Variants in AGBL4 observed in about 807,000 individuals in gnomAD.
The protein encoded by AGBL4 is AGBL carboxypeptidase 4.
AGBL4 carries 58 observed loss-of-function variants against 66.4 expected under a neutral mutation model. That is an observed-to-expected ratio of 0.87 (90% CI 0.71 to 1.09). The LOEUF (loss-of-function observed/expected upper bound fraction) is 1.09. Ranked by LOEUF, AGBL4 falls within the 50% of genes least tolerant of loss-of-function variation. The probability of loss-of-function intolerance (pLI) is 0.00; values close to 1 mark genes in which losing one functional copy is unlikely to be tolerated. For missense variants in AGBL4, 579 were observed against 631.0 expected, an observed-to-expected ratio of 0.92 and a Z score of 0.88; for synonymous variants, 234 against 222.9, an observed-to-expected ratio of 1.05 and a Z score of -0.44.
chr1:49,767,930 T>C (rs1017774618), intron 2 of AGBL4, among the ~76,000 whole-genome samples: 3 of 149,992 alleles, frequency 2.0e-5, no homozygotes, highest in African/African-American at 7.4e-5. Flanking sequence ...AAGACAAATA[T>C]CAAGTTCGAA....
chr1:49,950,316 T>C (rs949074940), intron 1 of AGBL4, among the ~76,000 whole-genome samples: 3 of 150,782 alleles, frequency 2.0e-5, no homozygotes, highest in Admixed American at 1.3e-4. Flanking sequence ...AAACCAAACA[T>C]CACATGATCT....
chr1:49,580,314 C>A (rs1055479787), intron 3 of AGBL4, among the ~76,000 whole-genome samples: 1 of 151,994 alleles, frequency 6.6e-6, no homozygotes, highest in Non-Finnish European at 1.5e-5. Flanking sequence ...TATTTATGTT[C>A]AAGGTTATTA....
chr1:49,854,559 T>C (rs1431503263), intron 1 of AGBL4, among the ~76,000 whole-genome samples: 2 of 152,060 alleles, frequency 1.3e-5, no homozygotes, highest in Admixed American at 6.5e-5. Context: ...AGGTGCAACA[T>C]GGCACCATTT....
At chr1:49,626,940 C>G (rs1645475730) in intron 3 of AGBL4, among the ~76,000 whole-genome samples, 7 of 152,092 alleles carry the variant, frequency 4.6e-5, no homozygotes, top group Admixed American at 4.6e-4. Flanking sequence ...AAATCTTTTT[C>G]TAAGATAGAT....
At chr1:49,883,852 A>C (rs2148150007) in intron 1 of AGBL4, among the ~76,000 whole-genome samples, 1 of 152,144 alleles carries the variant, frequency 6.6e-6, no homozygotes, top group African/African-American at 2.4e-5. Flanking sequence ...AAAAAAACTA[A>C]GCCTGCAGTG....
At chr1:49,463,577 T>A in intron 3 of AGBL4, among the ~76,000 whole-genome samples, 1 of 151,776 alleles carries the variant, frequency 6.6e-6, no homozygotes, top group East Asian at 1.9e-4. Flanking sequence ...TGCTACTTTC[T>A]GAGGCTTTCT....
chr1:49,757,127 T>C (rs1010334486), intron 2 of AGBL4, among the ~76,000 whole-genome samples: 2 of 152,154 alleles, frequency 1.3e-5, no homozygotes, highest in Non-Finnish European at 2.9e-5. Context: ...TGAGATCTGA[T>C]GGTTTTATAA....
intron 4 of AGBL4, among the ~76,000 whole-genome samples, chr1:49,118,429 G>T (rs1645578278): frequency 6.6e-6 from 1 of 152,146 alleles, no homozygotes; most frequent in Non-Finnish European, 1.5e-5. Context: ...AGCATGAAGT[G>T]CTGTTGAATT....
Position 49,774,604 on chromosome 1 carries a change from T to C in AGBL4, c.157+76792A>G, listed in dbSNP as rs543831837. Among the ~76,000 whole-genome samples the C allele has an allele frequency of 3.3e-5, 5 of 152,326 alleles. No homozygotes were observed. In the East Asian group the frequency reaches 9.6e-4, roughly 29 times the overall value. On this transcript the variant is annotated intron_variant, in intron 2 of 13. Transcript: ENST00000371839. The stretch of plus-strand genomic sequence containing the variant: ...ATGCCTAGATATCCAGTTTTAAAAT[T>C]TGTGATTCTATCTTAATTGAAAAGA...
intron 5 of AGBL4, among the ~76,000 whole-genome samples, chr1:48,980,742 T>C (rs1659695023): frequency 1.1e-4 from 1 of 8,882 alleles, no homozygotes; most frequent in African/African-American, 4.2e-4. Flanking sequence ...TATATATATA[T>C]ATATATATAT....
chr1:49,974,023 C>A (rs1414112655), intron 1 of AGBL4, among the ~76,000 whole-genome samples: 1 of 151,990 alleles, frequency 6.6e-6, no homozygotes, highest in African/African-American at 2.4e-5. Flanking sequence ...AATGTTTTAA[C>A]TTCTGTATAT....
Position 48,891,023 on chromosome 1 carries a change from G to C in AGBL4, c.595-23793C>G, listed in dbSNP as rs76967530. On this transcript the variant is annotated intron_variant, in intron 5 of 13. Coordinates refer to ENST00000371839, the MANE Select transcript of AGBL4 (RefSeq NM_032785.4). ...GTGTTGGGGAGCCACAGAAATGGCA[G>C]AGACTCAATTTACTGATCAGTCCAG... is the stretch of plus-strand genomic sequence containing the variant. 7.2e-3 allele frequency among the ~76,000 whole-genome samples: 1,102 copies of C among 152,260 alleles called. 76 individuals carry two copies. The East Asian group carries it at 0.16, about 23-fold the overall frequency.
At chr1:49,267,587 G>A (rs1358009646) in intron 3 of AGBL4, among the ~76,000 whole-genome samples, 1 of 152,086 alleles carries the variant, frequency 6.6e-6, no homozygotes, top group African/African-American at 2.4e-5. Context: ...GGCTGAGGCA[G>A]GAGAATCACT....
At chr1:49,223,737 T>C (rs1413139894) in intron 4 of AGBL4, among the ~76,000 whole-genome samples, 2 of 152,192 alleles carry the variant, frequency 1.3e-5, no homozygotes, top group African/African-American at 4.8e-5. Flanking sequence ...TAAGCAGCTG[T>C]TCATTAAGTG....
At chr1:48,735,480 A>T (rs1191793334) in intron 6 of AGBL4, among the ~76,000 whole-genome samples, 1 of 151,702 alleles carries the variant, frequency 6.6e-6, no homozygotes, top group Non-Finnish European at 1.5e-5. Flanking sequence ...AAAGGAAGGA[A>T]GGAAAAAGGA....
intron 4 of AGBL4, among the ~76,000 whole-genome samples, chr1:49,049,625 A>G (rs1253407732): frequency 1.3e-5 from 2 of 152,094 alleles, no homozygotes; most frequent in African/African-American, 4.8e-5. Flanking sequence ...TAACATTGGT[A>G]GGTATCACAA....
rs183416636 is a variant in AGBL4 at position 49,936,488 on chromosome 1, G to A, written c.35-84970C>T. Among the ~76,000 whole-genome samples the A allele has an allele frequency of 6.1e-4, 93 of 152,142 alleles. No homozygotes were observed. The East Asian group carries it at 0.015, about 24-fold the overall frequency. ...TTCAGATTCAGGAAATACAGAGAAC[G>A]CCACAAAGATACTCCTCGAGAAGAG... On this transcript the variant is annotated intron_variant, in intron 1 of 13. Coordinates refer to ENST00000371839, the MANE Select transcript of AGBL4 (RefSeq NM_032785.4).
chr1:49,369,777 T>G (rs1644305166), intron 3 of AGBL4, among the ~76,000 whole-genome samples: 1 of 152,196 alleles, frequency 6.6e-6, no homozygotes, highest in Middle Eastern at 3.4e-3. Context: ...CTGGGAATAG[T>G]TCATATTACT....
chr1:48,605,776 C>A (rs1218593838), intron 9 of AGBL4, among the ~76,000 whole-genome samples: 1 of 152,154 alleles, frequency 6.6e-6, no homozygotes, highest in Non-Finnish European at 1.5e-5. Context: ...CTCTCTCCAT[C>A]CTTTATCTTC....
Sources: allele counts gnomAD v4.1 joint callset (sites outside exome capture counted in the v4.1 genomes callset), GRCh38; gene constraint gnomAD v4.1.1; transcripts MANE v1.5; gene names NCBI Gene and HGNC (gene_info 2026-07-23, HGNC 2026-07-21).